ITGBL1: variants seen among roughly 807,000 people sequenced by gnomAD.
ITGBL1 encodes the protein integrin beta-like protein 1.
ITGBL1 carries 51 observed loss-of-function variants against 68.5 expected under a neutral mutation model. The ratio of observed to expected loss-of-function variants is 0.74; its 90% confidence interval spans 0.59 to 0.94. The LOEUF is 0.94. Ranked by LOEUF, ITGBL1 falls within the 40% of genes least tolerant of loss-of-function variation. ITGBL1 has a pLI of 0.00. For missense variants in ITGBL1, 649 were observed against 647.4 expected, an observed-to-expected ratio of 1.00 and a Z score of -0.03; for synonymous variants, 209 against 227.3, an observed-to-expected ratio of 0.92 and a Z score of 0.72.
In ITGBL1 at chr13:101,625,391, G is replaced by A. The variant is rs373863927; in HGVS notation, c.1015+27092G>A. Among the ~76,000 whole-genome samples, 9 of 152,184 alleles carry A rather than the reference G, an allele frequency of 5.9e-5. 1 individual carries two copies. The highest frequency in any genetic ancestry group is 3.3e-4 in the Admixed American group (5 of 15,288). ...TTGCTTTGCCAATGAAAACTCAGCC[G>A]GCCAGGAACAAATCATATACAGACT... is the stretch of plus-strand genomic sequence containing the variant. On this transcript the variant is annotated intron_variant, in intron 7 of 10. Transcript: ENST00000376180.
intron 7 of ITGBL1, among the ~76,000 whole-genome samples, chr13:101,646,226 G>T (rs927058973): frequency 6.6e-6 from 1 of 152,082 alleles, no homozygotes; most frequent in African/African-American, 2.4e-5. Context: ...ACTCCACTGA[G>T]TTTCCCTAAG....
chr13:101,714,244 T>C, intron 9 of ITGBL1, 194 bp from the exon 10 acceptor site: 1 of 588,482 alleles, frequency 1.7e-6, no homozygotes, highest in Non-Finnish European at 3.0e-6. Context: ...AGATCCATAA[T>C]GAAGGCTTTC....
At chr13:101,634,933 A>T (rs1161958683) in intron 7 of ITGBL1, among the ~76,000 whole-genome samples, 1 of 146,184 alleles carries the variant, frequency 6.8e-6, no homozygotes, top group Non-Finnish European at 1.5e-5. Context: ...CTTTCAATAT[A>T]AGCAAAAGGT....
chr13:101,509,477 A>G (rs923240539), intron 2 of ITGBL1, among the ~76,000 whole-genome samples: 3 of 152,208 alleles, frequency 2.0e-5, no homozygotes, highest in Non-Finnish European at 4.4e-5. Flanking sequence ...AATTTTATTT[A>G]CAAACATAAA....
At chr13:101,457,787 GC>G (rs2048265023) in intron 2 of ITGBL1, among the ~76,000 whole-genome samples, 1 of 152,108 alleles carries the variant, frequency 6.6e-6, no homozygotes, top group Non-Finnish European at 1.5e-5. Context: ...TTGCACTCCA[GC>G]CTGAGTGACA....
chr13:101,641,507 TTA>T (rs1398174043), intron 7 of ITGBL1, among the ~76,000 whole-genome samples: 2 of 151,450 alleles, frequency 1.3e-5, no homozygotes, highest in Non-Finnish European at 2.9e-5. Context: ...TAACTTGTGT[TTA>T]TGTGTCTTTC....
chr13:101,498,222 C>T (rs1418265663), intron 2 of ITGBL1, among the ~76,000 whole-genome samples: 4 of 152,128 alleles, frequency 2.6e-5, no homozygotes, highest in Admixed American at 2.0e-4. Context: ...TTCAAACTTA[C>T]ATTTCCTTTG....
At chr13:101,634,930 T>C (rs1401249376) in intron 7 of ITGBL1, among the ~76,000 whole-genome samples, 1 of 147,610 alleles carries the variant, frequency 6.8e-6, no homozygotes, top group Non-Finnish European at 1.5e-5. Flanking sequence ...ATACTTTCAA[T>C]ATAAGCAAAA....
chr13:101,537,859 A>C (rs2049606760), intron 2 of ITGBL1, among the ~76,000 whole-genome samples: 1 of 152,058 alleles, frequency 6.6e-6, no homozygotes, highest in Admixed American at 6.6e-5. Flanking sequence ...TATGATTGAC[A>C]GGTGGTCAGT....
intron 2 of ITGBL1, among the ~76,000 whole-genome samples, chr13:101,496,837 G>A (rs1434716031): frequency 1.3e-5 from 2 of 152,170 alleles, no homozygotes; most frequent in Non-Finnish European, 2.9e-5. Context: ...AGGTACTTTT[G>A]TGGAAGCTTC....
intron 7 of ITGBL1, among the ~76,000 whole-genome samples, chr13:101,659,186 A>T (rs1459341194): frequency 6.6e-6 from 1 of 151,758 alleles, no homozygotes; most frequent in Non-Finnish European, 1.5e-5. Context: ...CAGCCTCCAG[A>T]GTCTACTTAA....
chr13:101,462,234 A>G (rs2048327542), intron 2 of ITGBL1, among the ~76,000 whole-genome samples: 1 of 152,214 alleles, frequency 6.6e-6, no homozygotes, highest in Non-Finnish European at 1.5e-5. Context: ...AACATACTCC[A>G]CTTTTAAGGT....
At chr13:101,715,538 G>T in intron 10 of ITGBL1, 25 bp from the exon 11 acceptor site, 2 of 1,504,464 alleles carry the variant, frequency 1.3e-6, no homozygotes, top group South Asian at 1.1e-5. Context: ...TCATAATCAT[G>T]ATACCTATAT....
chr13:101,690,405 T>C (rs997325839), intron 7 of ITGBL1, among the ~76,000 whole-genome samples: 2 of 152,174 alleles, frequency 1.3e-5, no homozygotes, highest in African/African-American at 4.8e-5. Flanking sequence ...TGAATAAATT[T>C]GTCACCATGA....
downstream of ITGBL1, chr13:101,716,623 A>G (rs1240151821): frequency 1.3e-5 from 2 of 152,092 alleles, no homozygotes; most frequent in Non-Finnish European, 2.9e-5. Flanking sequence ...TTTTAAAAAG[A>G]CAATATTGAG....
At chr13:101,604,430 A>G (rs1045134528) in intron 7 of ITGBL1, among the ~76,000 whole-genome samples, 14 of 151,878 alleles carry the variant, frequency 9.2e-5, no homozygotes, top group Non-Finnish European at 1.5e-4. Context: ...TTTATAATTC[A>G]TTTCAGCCTC....
At chr13:101,479,431 A>G (rs1182759584) in intron 2 of ITGBL1, among the ~76,000 whole-genome samples, 4 of 152,150 alleles carry the variant, frequency 2.6e-5, no homozygotes, top group Non-Finnish European at 1.5e-5. Flanking sequence ...CCACAAGCAC[A>G]GGCAACCAAA....
chr13:101,510,231 GCTTC>G (rs2049093640), intron 2 of ITGBL1, among the ~76,000 whole-genome samples: 1 of 152,066 alleles, frequency 6.6e-6, no homozygotes, highest in Admixed American at 6.6e-5. Flanking sequence ...TCCATGTTTA[GCTTC>G]CACTTGTAAG....
chr13:101,608,714 C>T (rs2030988534), intron 7 of ITGBL1, among the ~76,000 whole-genome samples: 2 of 152,042 alleles, frequency 1.3e-5, no homozygotes, highest in South Asian at 4.1e-4. Flanking sequence ...CTATTCTGTG[C>T]TTTCTGCTAG....
Sources: allele counts gnomAD v4.1 joint callset (sites outside exome capture counted in the v4.1 genomes callset), GRCh38; gene constraint gnomAD v4.1.1; transcripts MANE v1.5; gene names NCBI Gene and HGNC (gene_info 2026-07-23, HGNC 2026-07-21).